Variants in SYNPO2 observed in about 807,000 individuals in gnomAD.
SYNPO2 encodes the protein synaptopodin 2.
A neutral mutation model predicts 85.0 loss-of-function variants in SYNPO2; 56 were observed. That is an observed-to-expected ratio of 0.66 (90% CI 0.53 to 0.82). The LOEUF (loss-of-function observed/expected upper bound fraction) is 0.82. SYNPO2 is among the 40% of genes least tolerant of loss of function. SYNPO2 has a pLI of 0.00. For synonymous variants in SYNPO2, 602 were observed against 591.1 expected (o/e 1.02, Z -0.27); for missense variants, 1,575 against 1,534.2 (o/e 1.03, Z -0.44).
intron 1 of SYNPO2, among the ~76,000 whole-genome samples, chr4:118,972,740 C>T (rs1253704099): frequency 6.6e-6 from 1 of 152,170 alleles, no homozygotes; most frequent in African/African-American, 2.4e-5. Flanking sequence ...TTAAGTTATA[C>T]ATCTCTAAGT....
At chr4:118,923,775 A>G (rs1052769306) in intron 1 of SYNPO2, among the ~76,000 whole-genome samples, 2 of 151,848 alleles carry the variant, frequency 1.3e-5, no homozygotes, top group East Asian at 3.9e-4. Context: ...GGCTCTTAAC[A>G]TTCTGTAGCC....
chr4:118,895,570 T>C (rs929369017), intron 1 of SYNPO2, among the ~76,000 whole-genome samples: 3 of 152,176 alleles, frequency 2.0e-5, no homozygotes, highest in Admixed American at 2.0e-4. Context: ...TAATCTCTTC[T>C]GTACCCCCTA....
chr4:118,884,760 A>T (rs1305940797), upstream of SYNPO2, among the ~76,000 whole-genome samples: 2 of 152,028 alleles, frequency 1.3e-5, no homozygotes, highest in Non-Finnish European at 2.9e-5. Flanking sequence ...ACTCTTATTT[A>T]TTTTTTTTAC....
chr4:118,866,330 CCAAA>C (rs1274355896), intron 1 of SYNPO2, among the ~76,000 whole-genome samples: 1 of 152,102 alleles, frequency 6.6e-6, no homozygotes, highest in Admixed American at 6.5e-5. Flanking sequence ...AAAAATGTCC[CCAAA>C]CATTGTCAGA....
chr4:119,020,590 G>A (rs909101770), intron 1 of SYNPO2, among the ~76,000 whole-genome samples: 2 of 152,006 alleles, frequency 1.3e-5, no homozygotes, highest in Non-Finnish European at 2.9e-5. Context: ...GGTCTTGGGG[G>A]GCACAGAGTA....
intron 1 of SYNPO2, among the ~76,000 whole-genome samples, chr4:118,914,745 G>A (rs1733254153): frequency 6.6e-6 from 1 of 152,072 alleles, no homozygotes; most frequent in Non-Finnish European, 1.5e-5. Flanking sequence ...CAAATAAAAT[G>A]TAATTGGTGA....
At position 118,994,918 on chromosome 4, in the gene SYNPO2, T is replaced by C. The variant is rs1259229943; in HGVS notation, c.106-28512T>C. ...GATGTACTTAGACCCTTTGATTAAA[T>C]TTTCTTGGATTTTAGGCATATAACC... On this transcript the variant is annotated intron_variant, in intron 1 of 4. Coordinates refer to ENST00000307142, the MANE Select transcript of SYNPO2 (RefSeq NM_133477.3). Among the ~76,000 whole-genome samples the C allele has an allele frequency of 2.6e-5, 4 of 152,236 alleles. No homozygotes were observed. In the East Asian group the frequency reaches 7.7e-4, roughly 29 times the overall value.
rs926629844 is a variant in SYNPO2 at position 118,881,682 on chromosome 4, T to C, written c.12+30742T>C. 2.8e-4 allele frequency among the ~76,000 whole-genome samples: 42 copies of C among 152,308 alleles called. 1 individual carries two copies. In the South Asian group the frequency reaches 8.3e-3, roughly 30 times the overall value. ...TGGCAGTAGTAGCAGTGGTAGTTTT[T>C]CCCTAAGCCACGTTCGGCCTCCAAG... On this transcript the variant is annotated intron_variant, in intron 1 of 4. Transcript: ENST00000610556.
intron 1 of SYNPO2, among the ~76,000 whole-genome samples, chr4:118,889,618 T>C (rs1296037768): frequency 6.6e-6 from 1 of 152,202 alleles, no homozygotes; most frequent in East Asian, 1.9e-4. Context: ...AAGGCCAATG[T>C]TGGGCAATAA....
At chr4:118,974,687 GATT>G (rs1735656617) in intron 1 of SYNPO2, among the ~76,000 whole-genome samples, 2 of 152,094 alleles carry the variant, frequency 1.3e-5, no homozygotes, top group African/African-American at 4.8e-5. Flanking sequence ...CCCAGATTTT[GATT>G]CTTTCCCTAT....
At chr4:118,964,037 A>G (rs1241035107) in intron 1 of SYNPO2, among the ~76,000 whole-genome samples, 1 of 152,186 alleles carries the variant, frequency 6.6e-6, no homozygotes, top group Non-Finnish European at 1.5e-5. Flanking sequence ...GTTTTGCATG[A>G]GGGGGACCAC....
At chr4:118,999,218 G>A (rs1758805886) in intron 1 of SYNPO2, among the ~76,000 whole-genome samples, 1 of 152,144 alleles carries the variant, frequency 6.6e-6, no homozygotes. Flanking sequence ...GCACCACCAT[G>A]GCTCACCGCA....
At position 119,000,132 on chromosome 4, in the gene SYNPO2, T is replaced by A. The variant is rs1736771656; in HGVS notation, c.106-23298T>A. The stretch of plus-strand genomic sequence containing the variant: ...ATGTGAGCCACTCTCTCTGTTGCAA[T>A]GTGAGCAAGACAGCCTTCCTGTTAT... On this transcript the variant is annotated intron_variant, in intron 1 of 4. Coordinates refer to ENST00000307142, the MANE Select transcript of SYNPO2 (RefSeq NM_133477.3). Among the ~76,000 whole-genome samples the A allele has an allele frequency of 2.6e-5, 4 of 152,196 alleles. No homozygotes were observed. In the South Asian group the frequency reaches 8.3e-4, roughly 32 times the overall value.
At position 118,958,461 on chromosome 4, in the gene SYNPO2, G is replaced by A. The variant is rs1374366862; in HGVS notation, c.106-64969G>A. Among the ~76,000 whole-genome samples the A allele has an allele frequency of 3.3e-5, 5 of 152,226 alleles. No individual in the cohort carries two copies. The East Asian group carries it at 9.6e-4, about 29-fold the overall frequency. On this transcript the variant is annotated intron_variant, in intron 1 of 4. Transcript: ENST00000307142. ...GATTTAACAAATTTCATACTTGCTT[G>A]GGAGGCTTAAGGACCTAGACAAGCA...
intron 1 of SYNPO2, among the ~76,000 whole-genome samples, chr4:118,973,906 T>C (rs796848668): frequency 5.9e-5 from 9 of 152,338 alleles, no homozygotes; most frequent in African/African-American, 2.2e-4. Flanking sequence ...ACTCAGAACA[T>C]AGTTTAACAC....
intron 1 of SYNPO2, among the ~76,000 whole-genome samples, chr4:118,865,607 T>C (rs1731686886): frequency 6.6e-6 from 1 of 152,166 alleles, no homozygotes; most frequent in Admixed American, 6.5e-5. Flanking sequence ...GAGATTTGGC[T>C]GAGAGTGTTT....
Position 119,001,219 on chromosome 4 carries a change from T to C in SYNPO2, c.106-22211T>C, listed in dbSNP as rs1399969412. On this transcript the variant is annotated intron_variant, in intron 1 of 4. Transcript: ENST00000307142. ...CTTCCATACATAGTTAAAAGAAGAA[T>C]GGATCAATTGACAGAAAAAAAATGG... 2.6e-5 allele frequency among the ~76,000 whole-genome samples: 4 copies of C among 152,118 alleles called. No individual in the cohort carries two copies. The East Asian group carries it at 7.7e-4, about 29-fold the overall frequency.
chr4:118,940,108 C>G (rs1734255825), intron 1 of SYNPO2, among the ~76,000 whole-genome samples: 1 of 151,492 alleles, frequency 6.6e-6, no homozygotes, highest in Non-Finnish European at 1.5e-5. Flanking sequence ...GCCTCAACCT[C>G]TCGAGTAGCT....
intron 3 of SYNPO2, among the ~76,000 whole-genome samples, chr4:119,029,570 A>G (rs1484494130): frequency 1.3e-5 from 2 of 152,138 alleles, no homozygotes; most frequent in East Asian, 3.8e-4. Context: ...ATTAAAGTGG[A>G]AGGATCTCTA....
Sources: allele counts gnomAD v4.1 joint callset (sites outside exome capture counted in the v4.1 genomes callset), GRCh38; gene constraint gnomAD v4.1.1; transcripts MANE v1.5; gene names NCBI Gene and HGNC (gene_info 2026-07-23, HGNC 2026-07-21).